The following ING5 variants were observed in gnomAD, a reference collection of about 807,000 sequenced individuals.
ING5 encodes the protein inhibitor of growth protein 5.
Under a neutral mutation model 37.4 loss-of-function variants are expected in ING5, and 17 were observed. That is an observed-to-expected ratio of 0.45 (90% confidence interval 0.31 to 0.68). The LOEUF (loss-of-function observed/expected upper bound fraction) is 0.68. Among genes scored for constraint, ING5 ranks in the 30% least tolerant of loss-of-function variants. The pLI is 0.05. For synonymous variants in ING5, 123 were observed against 116.6 expected (o/e 1.06, Z -0.36); for missense variants, 233 against 311.9 (o/e 0.75, Z 1.91).
In ING5 at chr2:241,702,170, C is replaced by T. The variant is rs1048086318; in HGVS notation, c.37+68C>T. 11 of 976,000 alleles carry T rather than the reference C, an allele frequency of 1.1e-5. No individual in the cohort carries two copies. In the Admixed American group the frequency reaches 5.0e-4, roughly 45 times the overall value. 60.5% of individuals were successfully genotyped at this position (976,000 alleles called of 1,614,324 possible). ...GTCCTCCGTGCCGCAGCCCCCCGCGCGCCGGGCACCGCATGCAGACCCCGT... is the reference window on the plus strand; with the variant it reads ...GTCCTCCGTGCCGCAGCCCCCCGCGTGCCGGGCACCGCATGCAGACCCCGT... On this transcript the variant is annotated intron_variant, in intron 1 of 7. Coordinates refer to ENST00000313552, the MANE Select transcript of ING5 (RefSeq NM_032329.6).
chr2:241,722,343 C>T, intron 5 of ING5: 1 of 985,298 alleles, frequency 1.0e-6, no homozygotes, highest in Non-Finnish European at 1.2e-6. Context: ...CGGGGGAGTC[C>T]TGTCTGGGAG....
chr2:241,708,642 C>T (rs543450453), intron 2 of ING5, among the ~76,000 whole-genome samples: 1 of 152,240 alleles, frequency 6.6e-6, no homozygotes, highest in African/African-American at 2.4e-5. Context: ...GGGAATCATC[C>T]GTGTTGCTGT....
At chr2:241,702,812 C>T (rs2069785211) in intron 1 of ING5, among the ~76,000 whole-genome samples, 1 of 152,258 alleles carries the variant, frequency 6.6e-6, no homozygotes, top group East Asian at 1.9e-4. Context: ...TCAGGGTCTC[C>T]CGCTCGTAGA....
chr2:241,700,867 C>T (rs1384274916), upstream of ING5, among the ~76,000 whole-genome samples: 1 of 151,956 alleles, frequency 6.6e-6, no homozygotes, highest in East Asian at 1.9e-4. Context: ...CTCAAGTGAT[C>T]CGCCCGCCTC....
exon 2 of ING5, chr2:241,690,618 C>T (rs2069536731): frequency 2.5e-6 from 1 of 398,496 alleles, no homozygotes; most frequent in Non-Finnish European, 4.4e-6. Context: ...GCAATGGGAG[C>T]AAGAGTCACT....
intron 5 of ING5, chr2:241,721,565 T>C (rs955715633): frequency 2.0e-6 from 2 of 985,326 alleles, no homozygotes; most frequent in Non-Finnish European, 2.4e-6. Context: ...TGAGTGTTGA[T>C]TCCCTCTGGG....
chr2:241,724,895 A>AG (rs1279124249), intron 7 of ING5, 94 bp from the exon 8 acceptor site: 1 of 1,363,556 alleles, frequency 7.3e-7, no homozygotes, highest in East Asian at 2.3e-5. Context: ...GCCGGCGTCC[A>AG]GCAGCCCTGG....
At chr2:241,716,103 C>T (rs1246143329) in intron 5 of ING5, among the ~76,000 whole-genome samples, 1 of 151,258 alleles carries the variant, frequency 6.6e-6, no homozygotes, top group African/African-American at 2.4e-5. Context: ...ACCCGGCCTT[C>T]ATTGCAATAT....
At chr2:241,699,029 AT>A (rs201124227), upstream of ING5, among the ~76,000 whole-genome samples, 65 of 112,984 alleles carry the variant, frequency 5.8e-4, no homozygotes, top group African/African-American at 2.1e-3. Context: ...CCCCAGCTGA[AT>A]TTTTTTTTGG....
rs12903 is a variant in ING5, at chr2:241,729,120, T to C, written c.*4089T>C. 0.61 allele frequency: 93,275 copies of C among 152,434 alleles called. 29,233 individuals are homozygous for C. The highest frequency in any genetic ancestry group is 0.81 in the East Asian group (4,176 of 5,186). The allele number at this position is 152,434 out of a possible 1,614,324, so 9.4% of individuals were successfully genotyped here. On this transcript the variant is annotated 3_prime_UTR_variant, in exon 8 of 8. Transcript: ENST00000313552. Reference sequence around the variant, plus strand: ...TGGGCATTGAAGACTTAAGGTTTTCTTAAATTTTTAGTGAGCAGTGATTGG... The same window carrying C: ...TGGGCATTGAAGACTTAAGGTTTTCCTAAATTTTTAGTGAGCAGTGATTGG...
At chr2:241,703,601 C>CTTTTCT (rs1241453070) in intron 1 of ING5, among the ~76,000 whole-genome samples, 1 of 151,646 alleles carries the variant, frequency 6.6e-6, no homozygotes, top group Non-Finnish European at 1.5e-5. Context: ...GAGAACATTT[C>CTTTTCT]TTTTCTTTTT....
chr2:241,724,345 A>G (rs868860620), intron 7 of ING5, among the ~76,000 whole-genome samples: 6 of 151,988 alleles, frequency 3.9e-5, no homozygotes, highest in African/African-American at 1.5e-4. Flanking sequence ...TGGTGCACCG[A>G]GGGTTTTGAG....
upstream of ING5, among the ~76,000 whole-genome samples, chr2:241,700,247 C>G (rs923802200): frequency 6.6e-6 from 1 of 150,992 alleles, no homozygotes; most frequent in African/African-American, 2.4e-5. Flanking sequence ...AGCTCAGCCT[C>G]CCGGGTTCAC....
intron 2 of ING5, 172 bp from the exon 3 acceptor site, chr2:241,709,044 C>A: frequency 1.5e-6 from 1 of 653,240 alleles, no homozygotes; most frequent in Non-Finnish European, 2.7e-6. Context: ...CGATCCCAGA[C>A]TGTTTGTGCA....
upstream of ING5, among the ~76,000 whole-genome samples, chr2:241,698,702 G>A (rs1046798077): frequency 1.7e-4 from 26 of 152,110 alleles, no homozygotes; most frequent in Admixed American, 1.3e-3. Context: ...CCCTGGGGAG[G>A]TGGGAAGCTA....
At chr2:241,723,367 C>A in intron 7 of ING5, 96 bp downstream of exon 7, 3 of 1,323,082 alleles carry the variant, frequency 2.3e-6, no homozygotes, top group South Asian at 1.2e-5. Context: ...AGAATCTTGC[C>A]GGGCTTAGCG....
intron 5 of ING5, chr2:241,720,085 C>T: frequency 8.0e-7 from 1 of 1,242,382 alleles, no homozygotes; most frequent in Non-Finnish European, 1.0e-6. Flanking sequence ...TCCAGAGGGA[C>T]AGGAGGATGG....
At position 241,729,211 on chromosome 2, in the gene ING5, G is replaced by A. The variant is rs956660100; in HGVS notation, c.*4180G>A. On this transcript the variant is annotated 3_prime_UTR_variant, in exon 8 of 8. Transcript: ENST00000313552. ...AGTGTAAGAAAATGTTCCCATTCAG[G>A]AGAGATTGTGTTGGAGTTTCTTTCT... 6.6e-6 allele frequency: 1 copy of A among 152,656 alleles called. No individual in the cohort carries two copies. Among genetic ancestry groups the A allele is most frequent in the African/African-American group, 2.4e-5 (1 of 41,454 alleles). The allele number at this position is 152,656 out of a possible 1,614,324, so 9.5% of individuals were successfully genotyped here.
intron 1 of ING5, among the ~76,000 whole-genome samples, chr2:241,703,005 C>T (rs1207598704): frequency 1.3e-5 from 2 of 152,156 alleles, no homozygotes; most frequent in East Asian, 1.9e-4. Flanking sequence ...TGAGCCGTGG[C>T]CTGGAGCTGG....
Sources: gnomAD v4.1 joint callset for allele counts (sites outside exome capture counted in the v4.1 genomes callset) on GRCh38, gnomAD v4.1.1 for gene constraint, MANE v1.5 for transcripts, NCBI Gene and HGNC (gene_info 2026-07-23, HGNC 2026-07-21) for gene names.